Variants in TTC23 observed in about 807,000 individuals in gnomAD.
TTC23 encodes the protein tetratricopeptide repeat domain 23.
A neutral mutation model predicts 55.1 loss-of-function variants in TTC23; 58 were observed. The observed-to-expected ratio is 1.05, with a 90% CI of 0.85 to 1.31. The LOEUF is 1.31. TTC23 is among the 50% of genes most tolerant of loss of function. The pLI is 0.00. For missense variants in TTC23, 516 were observed against 534.4 expected, an observed-to-expected ratio of 0.97 and a Z score of 0.34; for synonymous variants, 203 against 199.9, an observed-to-expected ratio of 1.02 and a Z score of -0.13.
intron 12 of TTC23, among the ~76,000 whole-genome samples, chr15:99,152,717 T>C (rs1567338094): frequency 6.6e-6 from 1 of 152,030 alleles, no homozygotes. Flanking sequence ...ATACACCACC[T>C]CTTAGGGTTA....
At chr15:99,180,718 T>G (rs2074032657) in intron 9 of TTC23, among the ~76,000 whole-genome samples, 1 of 152,106 alleles carries the variant, frequency 6.6e-6, no homozygotes, top group Non-Finnish European at 1.5e-5. Context: ...GTTAGGGAAA[T>G]ATATTTTCCC....
In TTC23 at chr15:99,229,808, ATAGT is replaced by A. The variant is rs577816100; in HGVS notation, c.-20-1080_-20-1077del. On this transcript the variant is annotated intron_variant, in intron 4 of 13. Coordinates refer to ENST00000394132, the MANE Select transcript of TTC23 (RefSeq NM_001288615.3). The stretch of plus-strand genomic sequence containing the variant: ...AAATTTCTAATTCATGAGGCATTAG[ATAGT>A]TAGAGTACTCAGAAGCCTTTCATCT... Among the ~76,000 whole-genome samples, 822 of 152,342 alleles carry A rather than the reference ATAGT, an allele frequency of 5.4e-3. 4 individuals carry two copies. Among genetic ancestry groups the A allele is most frequent in the Non-Finnish European group, 7.4e-3 (505 of 68,028 alleles).
intron 8 of TTC23, among the ~76,000 whole-genome samples, chr15:99,202,021 T>C (rs2076240730): frequency 6.6e-6 from 1 of 152,160 alleles, no homozygotes; most frequent in Non-Finnish European, 1.5e-5. Flanking sequence ...TAAATAAAGT[T>C]TTATTGGCAC....
chr15:99,175,112 G>A lies in TTC23; in HGVS notation c.803C>T (p.Ala268Val). The A allele has an allele frequency of 6.2e-7, 1 of 1,614,198 alleles. No individual in the cohort carries two copies. The highest frequency in any genetic ancestry group is 8.5e-7 in the Non-Finnish European group (1 of 1,180,032). Residue 268 changes from alanine to valine, a missense_variant, in exon 10 of 14, where the codon GCA becomes GTA. Physicochemically the swap from Ala to Val is moderately conservative, Grantham distance 64 (BLOSUM62 0). Transcript: ENST00000394132. ...ILSRSPSQVE[A>V]ADSAHIVAHA... ...GGCGACGATGTGTGCCGAGTCTGCT[G>A]CCTCCACTTGAGAGGGGCTTCTACT...
At chr15:99,203,428 T>C (rs1316073189) in intron 8 of TTC23, among the ~76,000 whole-genome samples, 4 of 152,136 alleles carry the variant, frequency 2.6e-5, no homozygotes, top group Non-Finnish European at 4.4e-5. Context: ...ATCAGGGTTA[T>C]AGCATACCCA....
In TTC23 at chr15:99,209,538, G is replaced by A. The variant is rs191925198; in HGVS notation, c.581+9050C>T. ...TGCTGGGCCACTTTCCAGCTTTATCGCTTCCTGCCTGTGTGACCCTGGAAG... is the reference window on the plus strand; with the variant it reads ...TGCTGGGCCACTTTCCAGCTTTATCACTTCCTGCCTGTGTGACCCTGGAAG... On this transcript the variant is annotated intron_variant, in intron 8 of 13. Transcript: ENST00000394132. 2.6e-5 allele frequency among the ~76,000 whole-genome samples: 4 copies of A among 152,202 alleles called. No homozygotes were observed. In the East Asian group the frequency reaches 7.7e-4, roughly 29 times the overall value.
intron 9 of TTC23, among the ~76,000 whole-genome samples, chr15:99,185,985 C>T (rs1316463088): frequency 6.6e-6 from 1 of 152,156 alleles, no homozygotes. Context: ...GGGTGAAAAA[C>T]AACAGGGAAA....
At chr15:99,176,614 C>T (rs912907355) in intron 9 of TTC23, among the ~76,000 whole-genome samples, 1 of 152,068 alleles carries the variant, frequency 6.6e-6, no homozygotes, top group South Asian at 2.1e-4. Context: ...CCCTGTCATA[C>T]ACAAATACAC....
chr15:99,197,104 C>CT lies in TTC23; in HGVS notation c.759+2814dup, dbSNP rs71456913. On this transcript the variant is annotated intron_variant, in intron 9 of 13. Transcript: ENST00000394132. ...CCTGCTATATAATGTGGTTTCTGTT[C>CT]TTTTTTTTTTTTTTTTGAGACGGAG... Among the ~76,000 whole-genome samples, 743 of 142,248 alleles carry CT rather than the reference C, an allele frequency of 5.2e-3. 3 individuals are homozygous for CT. The highest frequency in any genetic ancestry group is 7.0e-3 in the Non-Finnish European group (454 of 64,564). 93.3% of individuals were successfully genotyped at this position (142,248 alleles called of 152,430 possible).
At position 99,201,211 on chromosome 15, in the gene TTC23, C is replaced by T. The variant is rs189380319; in HGVS notation, c.582-1115G>A. Among the ~76,000 whole-genome samples, 13 of 152,152 alleles carry T rather than the reference C, an allele frequency of 8.5e-5. 1 individual carries two copies. Among genetic ancestry groups the T allele is most frequent in the African/African-American group, 1.9e-4 (8 of 41,514 alleles). ...GAAATTATAAGTAAAGGTGGCAGTG[C>T]GAAAATATTTCTATACCTTCTTAGA... On this transcript the variant is annotated intron_variant, in intron 8 of 13. Transcript: ENST00000394132.
At chr15:99,202,812 A>G (rs1479430130) in intron 8 of TTC23, among the ~76,000 whole-genome samples, 3 of 152,230 alleles carry the variant, frequency 2.0e-5, no homozygotes, top group African/African-American at 7.2e-5. Flanking sequence ...ACTGTAGTCC[A>G]AGCAGCCTTG....
At chr15:99,192,755 C>T (rs1435616915) in intron 9 of TTC23, among the ~76,000 whole-genome samples, 5 of 152,300 alleles carry the variant, frequency 3.3e-5, no homozygotes, top group African/African-American at 7.2e-5. Flanking sequence ...AAGAGGGCCA[C>T]CGTCCTCCAG....
intron 2 of TTC23, among the ~76,000 whole-genome samples, chr15:99,244,345 T>C (rs2080054698): frequency 6.6e-6 from 1 of 152,138 alleles, no homozygotes; most frequent in South Asian, 2.1e-4. Context: ...AAATAAAACA[T>C]TATTATCAGC....
At chr15:99,139,284 GAGAT>G (rs10548747) in intron 13 of TTC23, 29 bp downstream of exon 13, 379,399 of 1,604,482 alleles carry the variant, frequency 0.24, 47,838 homozygotes, top group African/African-American at 0.47. Flanking sequence ...GAAAGGGAAT[GAGAT>G]AGAGAAAGTG....
At chr15:99,219,918 A>C (rs2077781129) in intron 6 of TTC23, among the ~76,000 whole-genome samples, 1 of 152,264 alleles carries the variant, frequency 6.6e-6, no homozygotes, top group South Asian at 2.1e-4. Context: ...CAGGAAGAAT[A>C]TATTTTCTAA....
At chr15:99,158,044 T>C (rs2070851888) in intron 11 of TTC23, 1 of 152,014 alleles carries the variant, frequency 6.6e-6, no homozygotes, top group African/African-American at 2.4e-5. Flanking sequence ...ATAATACAAG[T>C]TAGGGGATAG....
At chr15:99,163,770 C>G (rs149847202) in intron 10 of TTC23, among the ~76,000 whole-genome samples, 98 of 152,338 alleles carry the variant, frequency 6.4e-4, no homozygotes, top group Middle Eastern at 3.4e-3. Context: ...CTCACTCCTT[C>G]CACCCTGTGA....
At chr15:99,157,698 A>T (rs913217826) in intron 11 of TTC23, 3 of 152,246 alleles carry the variant, frequency 2.0e-5, no homozygotes, top group Non-Finnish European at 4.4e-5. Context: ...ACATGACATG[A>T]CATTTTGTTT....
chr15:99,218,632 T>C lies in TTC23; in HGVS notation c.537A>G (p.Glu179=). 1 of 1,614,256 alleles carries C rather than the reference T, an allele frequency of 6.2e-7. No homozygotes were observed. The highest frequency in any genetic ancestry group is 8.5e-7 in the Non-Finnish European group (1 of 1,180,042). ...ELLQCGRIIK[E]EWIEIEARIR... is the part of the protein sequence containing the mutation. ...TCCGTGCTTCAATTTCTATCCATTC[T>C]TCCTTTATAATTCTTCCACATTGTA... Residue 179 remains glutamate, a synonymous_variant, in exon 8 of 14, where the codon GAA becomes GAG. Coordinates refer to ENST00000394132, the MANE Select transcript of TTC23 (RefSeq NM_001288615.3).
Sources: gnomAD v4.1 joint callset for allele counts (sites outside exome capture counted in the v4.1 genomes callset) on GRCh38, gnomAD v4.1.1 for gene constraint, MANE v1.5 for transcripts, NCBI Gene and HGNC (gene_info 2026-07-23, HGNC 2026-07-21) for gene names.